GPC5: variants seen among roughly 807,000 people sequenced by gnomAD.
GPC5 encodes glypican 5, also known as glypican-5.
GPC5 carries 47 observed loss-of-function variants against 53.9 expected under a neutral mutation model. That is an observed-to-expected ratio of 0.87 (90% CI 0.69 to 1.11). GPC5 has a LOEUF of 1.11. GPC5 is among the 50% of genes most tolerant of loss of function. The pLI is 0.00. For missense variants in GPC5, 748 were observed against 713.1 expected (o/e 1.05, Z -0.56); for synonymous variants, 286 against 263.3 (o/e 1.09, Z -0.84).
chr13:92,154,955 C>G (rs552178542), intron 7 of GPC5, among the ~76,000 whole-genome samples: 2 of 152,128 alleles, frequency 1.3e-5, no homozygotes, highest in African/African-American at 4.8e-5. Context: ...CTAAAATTAG[C>G]TAAACATTTT....
intron 7 of GPC5, among the ~76,000 whole-genome samples, chr13:92,626,092 A>C (rs1594359999): frequency 1.3e-5 from 2 of 152,360 alleles, no homozygotes; most frequent in African/African-American, 4.8e-5. Flanking sequence ...ATTTATTTTG[A>C]ATTGTATTTT....
intron 7 of GPC5, among the ~76,000 whole-genome samples, chr13:92,791,430 G>C (rs1183810796): frequency 1.3e-5 from 2 of 150,244 alleles, no homozygotes; most frequent in East Asian, 4.1e-4. Context: ...TGTGTGGGGG[G>C]GGGCGGGGGA....
chr13:91,482,506 A>G (rs1385241065), intron 2 of GPC5, among the ~76,000 whole-genome samples: 2 of 152,180 alleles, frequency 1.3e-5, no homozygotes, highest in Non-Finnish European at 2.9e-5. Context: ...GTAATCCAAA[A>G]TCTAGCAACC....
chr13:92,771,503 C>T (rs1371544529), intron 7 of GPC5, among the ~76,000 whole-genome samples: 5 of 151,894 alleles, frequency 3.3e-5, no homozygotes, highest in Admixed American at 1.3e-4. Flanking sequence ...CCACCATGCC[C>T]GGCTAATTTT....
chr13:92,661,211 C>G (rs1163346661), intron 7 of GPC5, among the ~76,000 whole-genome samples: 1 of 151,906 alleles, frequency 6.6e-6, no homozygotes, highest in African/African-American at 2.4e-5. Context: ...TGGAGGATCA[C>G]TTGAGTCCAA....
intron 7 of GPC5, among the ~76,000 whole-genome samples, chr13:92,550,578 C>T (rs982516598): frequency 6.6e-6 from 1 of 151,598 alleles, no homozygotes; most frequent in African/African-American, 2.4e-5. Flanking sequence ...ATTCCAACGG[C>T]AGGTATTATC....
intron 7 of GPC5, among the ~76,000 whole-genome samples, chr13:92,237,272 T>C (rs1183585284): frequency 1.3e-5 from 2 of 152,178 alleles, no homozygotes; most frequent in Non-Finnish European, 2.9e-5. Flanking sequence ...CAGGCTGGAG[T>C]GCAGTGGCGT....
intron 7 of GPC5, among the ~76,000 whole-genome samples, chr13:92,844,431 A>T (rs570681606): frequency 2.6e-4 from 40 of 152,310 alleles, no homozygotes; most frequent in African/African-American, 9.1e-4. Context: ...GGAGAGATAG[A>T]TATAAAGGAA....
At chr13:92,814,319 G>A (rs1295903985) in intron 7 of GPC5, among the ~76,000 whole-genome samples, 1 of 151,822 alleles carries the variant, frequency 6.6e-6, no homozygotes, top group Non-Finnish European at 1.5e-5. Context: ...AGACTTCTTA[G>A]ATATGGAAAA....
chr13:92,692,677 TAATAATA>T (rs1037039174), intron 7 of GPC5, among the ~76,000 whole-genome samples: 2 of 142,960 alleles, frequency 1.4e-5, no homozygotes, highest in Non-Finnish European at 3.0e-5. Context: ...ACTTAAAGTA[TAATAATA>T]AATTAAAAAA....
chr13:92,106,383 T>A (rs1189520234), intron 6 of GPC5, among the ~76,000 whole-genome samples: 1 of 152,086 alleles, frequency 6.6e-6, no homozygotes, highest in Non-Finnish European at 1.5e-5. Flanking sequence ...GAGCTACATG[T>A]ATGAAAATAT....
chr13:92,630,794 TG>T (rs1885211375), intron 7 of GPC5, among the ~76,000 whole-genome samples: 1 of 152,166 alleles, frequency 6.6e-6, no homozygotes, highest in Non-Finnish European at 1.5e-5. Context: ...CTAGCAAAAC[TG>T]TTGTTAATGC....
intron 2 of GPC5, among the ~76,000 whole-genome samples, chr13:91,499,153 C>G (rs557519193): frequency 2.0e-5 from 3 of 152,152 alleles, no homozygotes; most frequent in Admixed American, 6.6e-5. Context: ...GGAGGAAGAA[C>G]AAGTCAAAGG....
intron 5 of GPC5, among the ~76,000 whole-genome samples, chr13:91,880,556 T>C (rs1321553573): frequency 1.3e-5 from 2 of 152,216 alleles, no homozygotes; most frequent in South Asian, 2.1e-4. Flanking sequence ...AAATATTAAA[T>C]TAAATATGTC....
At chr13:91,768,828 C>A (rs1253043232) in intron 5 of GPC5, among the ~76,000 whole-genome samples, 1 of 152,116 alleles carries the variant, frequency 6.6e-6, no homozygotes, top group African/African-American at 2.4e-5. Context: ...TGAGTCATTG[C>A]CATTTAATAT....
At chr13:91,638,321 T>C (rs2034333743) in intron 2 of GPC5, among the ~76,000 whole-genome samples, 1 of 152,146 alleles carries the variant, frequency 6.6e-6, no homozygotes, top group Non-Finnish European at 1.5e-5. Flanking sequence ...GCCAATGCCT[T>C]TTACTACTTT....
intron 2 of GPC5, among the ~76,000 whole-genome samples, chr13:91,538,796 A>T (rs748430472): frequency 6.6e-6 from 1 of 151,136 alleles, no homozygotes; most frequent in Admixed American, 6.6e-5. Flanking sequence ...GTTAGCCAGG[A>T]TGGTCTCGAT....
intron 7 of GPC5, among the ~76,000 whole-genome samples, chr13:92,612,521 T>A (rs978996917): frequency 6.6e-6 from 1 of 152,102 alleles, no homozygotes; most frequent in African/African-American, 2.4e-5. Context: ...AGAAAAACTA[T>A]AACATCACAA....
At chr13:92,229,880 A>T (rs192481334) in intron 7 of GPC5, among the ~76,000 whole-genome samples, 208 of 152,174 alleles carry the variant, frequency 1.4e-3, no homozygotes, top group Non-Finnish European at 2.4e-3. Flanking sequence ...GACACTTTTT[A>T]AAAAATAGTC....
Sources: allele counts gnomAD v4.1 joint callset (sites outside exome capture counted in the v4.1 genomes callset), GRCh38; gene constraint gnomAD v4.1.1; transcripts MANE v1.5; gene names NCBI Gene and HGNC (gene_info 2026-07-23, HGNC 2026-07-21).